The following KCNQ1 variants were observed in gnomAD, a reference collection of about 807,000 sequenced individuals.
KCNQ1 encodes the protein potassium voltage-gated channel subfamily Q member 1.
A neutral mutation model predicts 72.4 loss-of-function variants in KCNQ1; 49 were observed. The observed-to-expected ratio is 0.68, with a 90% CI of 0.54 to 0.86. The LOEUF (loss-of-function observed/expected upper bound fraction) is 0.86, where lower values mean the gene tolerates loss of function less well. Ranked by LOEUF, KCNQ1 falls within the 40% of genes least tolerant of loss-of-function variation. KCNQ1 has a pLI of 0.00. For synonymous variants in KCNQ1, 450 were observed against 412.6 expected (o/e 1.09, Z -1.10); for missense variants, 790 against 945.1 (o/e 0.84, Z 2.15).
At chr11:2,681,226 A>G in intron 11 of KCNQ1, 1 of 398,624 alleles carries the variant, frequency 2.5e-6, no homozygotes, top group Non-Finnish European at 4.4e-6. Context: ...GAGTGGGTAG[A>G]AGGAAGCAGG....
At chr11:2,584,367 ATGTTAGTGTGTTTGTG>A (rs1158829990) in intron 7 of KCNQ1, among the ~76,000 whole-genome samples, 20 of 149,660 alleles carry the variant, frequency 1.3e-4, no homozygotes, top group African/African-American at 2.7e-4. Flanking sequence ...GTTTTAGTGT[ATGTTAGTGTGTTTGTG>A]TGTTAGTGTG....
rs74048610 is a variant in KCNQ1 at position 2,447,799 on chromosome 11, T to C, written c.386+2315T>C. Among the ~76,000 whole-genome samples, 1,240 of 152,264 alleles carry C rather than the reference T, an allele frequency of 8.1e-3. 18 individuals are homozygous for C. Among genetic ancestry groups the C allele is most frequent in the African/African-American group, 0.028 (1,163 of 41,564 alleles). On this transcript the variant is annotated intron_variant, in intron 1 of 15. Coordinates refer to ENST00000155840, the MANE Select transcript of KCNQ1 (RefSeq NM_000218.3). The surrounding 1 kb of genome is among the most constrained non-coding windows in gnomAD (Gnocchi z 7.6). ...CTTGAAGAGCCAGGGCCCAGGCATGTGTGCAGGGGGGTTGAGGCAGGAGCC... is the reference window on the plus strand; with the variant it reads ...CTTGAAGAGCCAGGGCCCAGGCATGCGTGCAGGGGGGTTGAGGCAGGAGCC...
rs765571779 is a variant in KCNQ1 at position 2,815,999 on chromosome 11, G to C, written c.1795-31768G>C. Among the ~76,000 whole-genome samples the C allele has an allele frequency of 6.6e-6, 1 of 152,248 alleles. No homozygotes were observed. The highest frequency in any genetic ancestry group is 1.5e-5 in the Non-Finnish European group (1 of 68,046). ...CCTTGCAGGCGGGCAGGGCTCTGGG[G>C]AGTCCAAGTGTGCACACAGTCCTGG... On this transcript the variant is annotated intron_variant, in intron 15 of 15. Coordinates refer to ENST00000155840, the MANE Select transcript of KCNQ1 (RefSeq NM_000218.3). The surrounding 1 kb of genome is among the most constrained non-coding windows in gnomAD (Gnocchi z 5.4).
chr11:2,810,068 G>A (rs921154026), intron 15 of KCNQ1, among the ~76,000 whole-genome samples: 10 of 152,246 alleles, frequency 6.6e-5, no homozygotes, highest in African/African-American at 2.4e-4. Flanking sequence ...ATTTGGAGCT[G>A]AATGTAATTT....
intron 15 of KCNQ1, among the ~76,000 whole-genome samples, chr11:2,786,953 T>TG (rs1444965406): frequency 2.6e-5 from 4 of 151,320 alleles, no homozygotes; most frequent in Non-Finnish European, 5.9e-5. Flanking sequence ...GTTTCTGTTT[T>TG]TTTTTTTTTT....
rs935969820 is a variant in KCNQ1, at chr11:2,509,900, G to T, written c.387-18028G>T. Among the ~76,000 whole-genome samples the T allele has an allele frequency of 1.3e-5, 2 of 152,162 alleles. No individual in the cohort carries two copies. Among genetic ancestry groups the T allele is most frequent in the Non-Finnish European group, 2.9e-5 (2 of 68,020 alleles). On this transcript the variant is annotated intron_variant, in intron 1 of 15. Coordinates refer to ENST00000155840, the MANE Select transcript of KCNQ1 (RefSeq NM_000218.3). This position sits in a 1 kb window ranked among gnomAD's most constrained non-coding sequence, Gnocchi z 6.3. ...CCCATGGAGGTGACAAGTGACAGCCGGGAACAGACCCACTGCCAGGGCTGC... is the reference window on the plus strand; with the variant it reads ...CCCATGGAGGTGACAAGTGACAGCCTGGAACAGACCCACTGCCAGGGCTGC...
At chr11:2,510,763 C>G (rs1210265681) in intron 1 of KCNQ1, among the ~76,000 whole-genome samples, 2 of 152,192 alleles carry the variant, frequency 1.3e-5, no homozygotes. Context: ...TAGGCCAGAG[C>G]CTGCCTCCAG....
In KCNQ1 at chr11:2,654,659, G is replaced by A; in HGVS notation, c.1394-7302G>A. 2.5e-6 allele frequency: 1 copy of A among 399,002 alleles called. No individual in the cohort carries two copies. Among genetic ancestry groups the A allele is most frequent in the East Asian group, 3.6e-5 (1 of 28,070 alleles). 24.7% of individuals were successfully genotyped at this position (399,002 alleles called of 1,614,324 possible). A position where few individuals can be genotyped will look rare whatever the true frequency, so the allele number is the denominator to read the frequency against. The stretch of plus-strand genomic sequence containing the variant: ...GGCGAGAGTCTCTTGAGGGCAGAGG[G>A]CAGCAGAGATGGGCTGGAGCTTTGA... On this transcript the variant is annotated intron_variant, in intron 10 of 15. Transcript: ENST00000155840. The surrounding 1 kb of genome is among the most constrained non-coding windows in gnomAD (Gnocchi z 6.4).
Position 2,602,089 on chromosome 11 carries a change from G to A in KCNQ1, c.1393+13235G>A, listed in dbSNP as rs376073762. Reference sequence around the variant, plus strand: ...AAGAGAAAAAGGGTTACGTGGCCACGGAAGCAGGGGCAGGAAATGGCAATG... The same window carrying A: ...AAGAGAAAAAGGGTTACGTGGCCACAGAAGCAGGGGCAGGAAATGGCAATG... On this transcript the variant is annotated intron_variant, in intron 10 of 15. Transcript: ENST00000155840. The surrounding 1 kb of genome is among the most constrained non-coding windows in gnomAD (Gnocchi z 4.8). 5.3e-5 allele frequency among the ~76,000 whole-genome samples: 8 copies of A among 152,214 alleles called. No homozygotes were observed. The highest frequency in any genetic ancestry group is 1.4e-4 in the African/African-American group (6 of 41,528).
At chr11:2,717,071 T>C (rs1451979580) in intron 11 of KCNQ1, among the ~76,000 whole-genome samples, 1 of 152,178 alleles carries the variant, frequency 6.6e-6, no homozygotes, top group Non-Finnish European at 1.5e-5. Flanking sequence ...GTGCTGCTTG[T>C]CCACCATGAA....
rs865821245 is a variant in KCNQ1, at chr11:2,703,706, G to A, written c.1514+41625G>A. On this transcript the variant is annotated intron_variant, in intron 11 of 15. Transcript: ENST00000155840. This position sits in a 1 kb window ranked among gnomAD's most constrained non-coding sequence, Gnocchi z 6.4. ...ACACCAGTCCTCTTCTGCAGTGCAA[G>A]GCAGGAGAAAGAACTGCTGTGGGAG... Among the ~76,000 whole-genome samples, 7 of 152,210 alleles carry A rather than the reference G, an allele frequency of 4.6e-5. No homozygotes were observed. The highest frequency in any genetic ancestry group is 8.8e-5 in the Non-Finnish European group (6 of 68,030).
At chr11:2,731,048 T>C (rs1006670510) in intron 11 of KCNQ1, among the ~76,000 whole-genome samples, 8 of 152,224 alleles carry the variant, frequency 5.3e-5, no homozygotes, top group African/African-American at 1.9e-4. Flanking sequence ...ACACTTCCTT[T>C]GGCCTCACAG....
At chr11:2,452,496 G>A (rs1381132792) in intron 1 of KCNQ1, among the ~76,000 whole-genome samples, 3 of 151,242 alleles carry the variant, frequency 2.0e-5, no homozygotes, top group Non-Finnish European at 4.4e-5. Flanking sequence ...CCTCCCAGAG[G>A]CATCCCCACC....
chr11:2,786,369 C>T (rs769055093), intron 15 of KCNQ1, among the ~76,000 whole-genome samples: 10 of 152,118 alleles, frequency 6.6e-5, no homozygotes, highest in Non-Finnish European at 1.2e-4. Flanking sequence ...TAAGATCTTT[C>T]CTTTGACTCT....
chr11:2,646,408 A>C lies in KCNQ1; in HGVS notation c.1394-15553A>C, dbSNP rs545197753. 3.0e-5 allele frequency: 12 copies of C among 398,556 alleles called. No homozygotes were observed. In the South Asian group the frequency reaches 1.5e-3, roughly 51 times the overall value. The allele number at this position is 398,556 out of a possible 1,614,324, so 24.7% of individuals were successfully genotyped here. On this transcript the variant is annotated intron_variant, in intron 10 of 15. Coordinates refer to ENST00000155840, the MANE Select transcript of KCNQ1 (RefSeq NM_000218.3). ...CAGTATTTTATAGTTTTCATTGTGG[A>C]AATCTTTCACCTCCTTGGTTAAGCT... is the stretch of plus-strand genomic sequence containing the variant.
intron 10 of KCNQ1, among the ~76,000 whole-genome samples, chr11:2,607,721 G>C (rs1848904668): frequency 6.6e-6 from 1 of 152,142 alleles, no homozygotes; most frequent in South Asian, 2.1e-4. Flanking sequence ...AAATCGTGGT[G>C]TTTTGTCTTT....
chr11:2,642,267 T>C lies in KCNQ1; in HGVS notation c.1394-19694T>C. On this transcript the variant is annotated intron_variant, in intron 10 of 15. Transcript: ENST00000155840. The surrounding 1 kb of genome is among the most constrained non-coding windows in gnomAD (Gnocchi z 4.3). Reference sequence around the variant, plus strand: ...ATCCATGAGAATGGGATGTTTTTTGTGTGTTCTTTTCAATTTCTTTCATCA... The same window carrying C: ...ATCCATGAGAATGGGATGTTTTTTGCGTGTTCTTTTCAATTTCTTTCATCA... 2.5e-6 allele frequency: 1 copy of C among 398,340 alleles called. No homozygotes were observed. The highest frequency in any genetic ancestry group is 4.4e-6 in the Non-Finnish European group (1 of 225,872). The allele number at this position is 398,340 out of a possible 1,614,324, so 24.7% of individuals were successfully genotyped here. A position where few individuals can be genotyped will look rare whatever the true frequency, so the allele number is the denominator to read the frequency against.
In KCNQ1 at chr11:2,818,579, A is replaced by G. The variant is rs1427990752; in HGVS notation, c.1795-29188A>G. 2.6e-5 allele frequency among the ~76,000 whole-genome samples: 4 copies of G among 151,960 alleles called. No homozygotes were observed. The highest frequency in any genetic ancestry group is 4.4e-5 in the Non-Finnish European group (3 of 67,970). On this transcript the variant is annotated intron_variant, in intron 15 of 15. Coordinates refer to ENST00000155840, the MANE Select transcript of KCNQ1 (RefSeq NM_000218.3). This position sits in a 1 kb window ranked among gnomAD's most constrained non-coding sequence, Gnocchi z 7.2. ...GATGCCTTACACCCCCCATCCCCACACGCACACAGCTTGGAGGCTGGAAGC... is the reference window on the plus strand; with the variant it reads ...GATGCCTTACACCCCCCATCCCCACGCGCACACAGCTTGGAGGCTGGAAGC...
rs1374265111 is a variant in KCNQ1 at position 2,759,590 on chromosome 11, A to C, written c.1515-9254A>C. On this transcript the variant is annotated intron_variant, in intron 11 of 15. Coordinates refer to ENST00000155840, the MANE Select transcript of KCNQ1 (RefSeq NM_000218.3). The surrounding 1 kb of genome is among the most constrained non-coding windows in gnomAD (Gnocchi z 4.4). ...AGCGACACCCCAGCATGTGGGAAGGAAGGGAGCGAGCTCTTATTTCCTTAT... is the reference window on the plus strand; with the variant it reads ...AGCGACACCCCAGCATGTGGGAAGGCAGGGAGCGAGCTCTTATTTCCTTAT... Among the ~76,000 whole-genome samples the C allele has an allele frequency of 6.6e-6, 1 of 152,202 alleles. No individual in the cohort carries two copies. The highest frequency in any genetic ancestry group is 1.5e-5 in the Non-Finnish European group (1 of 68,022).
Sources: allele counts gnomAD v4.1 joint callset (sites outside exome capture counted in the v4.1 genomes callset), GRCh38; gene constraint gnomAD v4.1.1; non-coding constraint Gnocchi (gnomAD v3.1); transcripts MANE v1.5; gene names NCBI Gene and HGNC (gene_info 2026-07-23, HGNC 2026-07-21).